The following GRID2 variants were observed in gnomAD, a reference collection of about 807,000 sequenced individuals.
The protein encoded by GRID2 is glutamate receptor ionotropic, delta-2.
A neutral mutation model predicts 114.8 loss-of-function variants in GRID2; 33 were observed. That is an observed-to-expected ratio of 0.29 (90% CI 0.22 to 0.38). GRID2 has a LOEUF of 0.38. GRID2 is among the 10% of genes least tolerant of loss of function. The pLI, the probability that GRID2 is intolerant of heterozygous loss-of-function variation, is 1.00. For synonymous variants in GRID2, 505 were observed against 449.9 expected, an observed-to-expected ratio of 1.12 and a Z score of -1.55; for missense variants, 1,184 against 1,257.7, an observed-to-expected ratio of 0.94 and a Z score of 0.89.
intron 8 of GRID2, among the ~76,000 whole-genome samples, chr4:93,344,093 T>C (rs1759937227): frequency 1.3e-5 from 2 of 152,072 alleles, no homozygotes; most frequent in Non-Finnish European, 2.9e-5. Flanking sequence ...ACAGTCCTCC[T>C]TGATGCATGG....
chr4:92,443,556 T>G (rs1178374940), intron 1 of GRID2, among the ~76,000 whole-genome samples: 5 of 151,416 alleles, frequency 3.3e-5, no homozygotes, highest in African/African-American at 1.2e-4. Flanking sequence ...AGATAAGAGG[T>G]CGGGACGTGG....
chr4:92,647,323 G>C (rs889277309), intron 2 of GRID2, among the ~76,000 whole-genome samples: 4 of 31,674 alleles, frequency 1.3e-4, no homozygotes, highest in Non-Finnish European at 3.0e-4. Flanking sequence ...TTTTGTAAGG[G>C]GACCTGAGAT....
intron 11 of GRID2, among the ~76,000 whole-genome samples, chr4:93,468,654 G>T (rs954503323): frequency 1.8e-4 from 28 of 152,112 alleles, no homozygotes; most frequent in Admixed American, 6.5e-4. Flanking sequence ...GGTGAGGACA[G>T]AGAGGTCCAT....
chr4:92,963,481 A>G lies in GRID2; in HGVS notation c.245-121514A>G, dbSNP rs78174050. ...AAGAAACCACTGTCTTTGTTCCTCCATAAGAAGCAACTCCTCATTATTTTC... is the reference window on the plus strand; with the variant it reads ...AAGAAACCACTGTCTTTGTTCCTCCGTAAGAAGCAACTCCTCATTATTTTC... On this transcript the variant is annotated intron_variant, in intron 2 of 15. Coordinates refer to ENST00000282020, the MANE Select transcript of GRID2 (RefSeq NM_001510.4). 9.1e-3 allele frequency among the ~76,000 whole-genome samples: 1,384 copies of G among 152,076 alleles called. 18 individuals are homozygous for G. The highest frequency in any genetic ancestry group is 0.031 in the African/African-American group (1,298 of 41,522).
rs10005335 is a variant in GRID2 at position 92,700,864 on chromosome 4, C to T, written c.244+110578C>T. ...AAAATTAGCCGGGCGAGGTGGCAGGCGCCTGTAGTCCCAGCTACGCGGGAG... is the reference window on the plus strand; with the variant it reads ...AAAATTAGCCGGGCGAGGTGGCAGGTGCCTGTAGTCCCAGCTACGCGGGAG... On this transcript the variant is annotated intron_variant, in intron 2 of 15. Coordinates refer to ENST00000282020, the MANE Select transcript of GRID2 (RefSeq NM_001510.4). 1.0e-3 allele frequency among the ~76,000 whole-genome samples: 154 copies of T among 152,076 alleles called. 1 individual carries two copies. Among genetic ancestry groups the T allele is most frequent in the African/African-American group, 3.7e-3 (152 of 41,498 alleles).
chr4:92,939,543 T>C (rs1252748067), intron 2 of GRID2, among the ~76,000 whole-genome samples: 1 of 147,456 alleles, frequency 6.8e-6, no homozygotes, highest in Non-Finnish European at 1.5e-5. Context: ...GTAGTTTCTG[T>C]TGCTGTGCAG....
intron 8 of GRID2, among the ~76,000 whole-genome samples, chr4:93,351,564 G>A (rs1489625928): frequency 2.0e-5 from 3 of 151,914 alleles, no homozygotes; most frequent in Non-Finnish European, 2.9e-5. Context: ...CTCTTTGTAG[G>A]CAAATCTACA....
chr4:92,535,676 T>A lies in GRID2; in HGVS notation c.89-54455T>A, dbSNP rs1418875534. On this transcript the variant is annotated intron_variant, in intron 1 of 15. Transcript: ENST00000282020. ...TAAACTCCATTATTATTAAAACAAG[T>A]GGTAAGTGAACCTGCCCTAGAAATC... 2.0e-5 allele frequency among the ~76,000 whole-genome samples: 3 copies of A among 152,154 alleles called. No individual in the cohort carries two copies. The East Asian group carries it at 5.8e-4, about 29-fold the overall frequency.
chr4:93,420,523 T>C (rs2149364879), intron 9 of GRID2, among the ~76,000 whole-genome samples: 1 of 152,196 alleles, frequency 6.6e-6, no homozygotes, highest in Admixed American at 6.5e-5. Context: ...ACCAATAATA[T>C]TAAAGGTTTG....
At chr4:93,017,520 CTATA>C (rs562201809) in intron 2 of GRID2, among the ~76,000 whole-genome samples, 16 of 151,648 alleles carry the variant, frequency 1.1e-4, no homozygotes, top group Admixed American at 4.6e-4. Context: ...CACCTGAGTT[CTATA>C]TATATATGGC....
intron 2 of GRID2, among the ~76,000 whole-genome samples, chr4:92,770,207 C>A (rs923438047): frequency 6.6e-6 from 1 of 152,176 alleles, no homozygotes; most frequent in Non-Finnish European, 1.5e-5. Context: ...AGTCTCTTTG[C>A]TAAAACATAA....
At chr4:92,465,064 G>A (rs547762718) in intron 1 of GRID2, among the ~76,000 whole-genome samples, 10 of 152,190 alleles carry the variant, frequency 6.6e-5, no homozygotes, top group African/African-American at 2.4e-4. Flanking sequence ...AAAGTTTCCT[G>A]AGGCCACCCA....
intron 2 of GRID2, among the ~76,000 whole-genome samples, chr4:92,648,101 G>T (rs1300465427): frequency 6.7e-6 from 1 of 149,750 alleles, no homozygotes; most frequent in Non-Finnish European, 1.5e-5. Flanking sequence ...GTTTTACCTT[G>T]TATAATGACA....
chr4:92,604,694 AT>A (rs1232207242), intron 2 of GRID2, among the ~76,000 whole-genome samples: 4 of 152,022 alleles, frequency 2.6e-5, no homozygotes, highest in Non-Finnish European at 4.4e-5. Flanking sequence ...AAAATAAAAT[AT>A]TTTTTAATCC....
At chr4:92,970,893 A>G (rs1041855386) in intron 2 of GRID2, among the ~76,000 whole-genome samples, 1 of 151,880 alleles carries the variant, frequency 6.6e-6, no homozygotes, top group Non-Finnish European at 1.5e-5. Context: ...GTTGCTTATC[A>G]CTGGTAAGTA....
chr4:92,610,855 A>C (rs1445309738), intron 2 of GRID2, among the ~76,000 whole-genome samples: 1 of 151,660 alleles, frequency 6.6e-6, no homozygotes, highest in Admixed American at 6.6e-5. Flanking sequence ...TGAGTTTTTG[A>C]TGTTTATCTA....
intron 3 of GRID2, among the ~76,000 whole-genome samples, chr4:93,086,958 T>G (rs1286396717): frequency 1.3e-5 from 2 of 152,122 alleles, no homozygotes; most frequent in African/African-American, 4.8e-5. Context: ...AATAATAAAT[T>G]TAAAAACAGT....
chr4:92,873,336 A>C (rs1025211848), intron 2 of GRID2, among the ~76,000 whole-genome samples: 1 of 152,146 alleles, frequency 6.6e-6, no homozygotes, highest in African/African-American at 2.4e-5. Context: ...AGCTAAATCA[A>C]GTGTCTTAAG....
chr4:92,444,850 G>A (rs889488590), intron 1 of GRID2, among the ~76,000 whole-genome samples: 21 of 152,048 alleles, frequency 1.4e-4, no homozygotes, highest in African/African-American at 4.4e-4. Flanking sequence ...TACATTTTTG[G>A]TATCACTTTT....
Sources: gnomAD v4.1 joint callset for allele counts (sites outside exome capture counted in the v4.1 genomes callset) on GRCh38, gnomAD v4.1.1 for gene constraint, MANE v1.5 for transcripts, NCBI Gene and HGNC (gene_info 2026-07-23, HGNC 2026-07-21) for gene names.